Variants in RYR3 observed in about 807,000 individuals in gnomAD.
RYR3 encodes the protein brain ryanodine receptor-calcium release channel.
RYR3 carries 207 observed loss-of-function variants against 584.3 expected under a neutral mutation model. The ratio of observed to expected loss-of-function variants is 0.35; its 90% CI spans 0.32 to 0.40. RYR3 has a LOEUF of 0.40. RYR3 is among the 10% of genes least tolerant of loss of function. The pLI is 1.00. For missense variants in RYR3, 5,616 were observed against 6,089.2 expected (o/e 0.92, Z 2.59); for synonymous variants, 2,416 against 2,248.5 (o/e 1.07, Z -2.11).
intron 99 of RYR3, chr15:33,858,138 C>A (rs534324871): frequency 3.4e-6 from 2 of 587,626 alleles, no homozygotes; most frequent in Admixed American, 6.3e-5. Context: ...ACATCTAAGC[C>A]CCGTGGAAAG....
intron 69 of RYR3, among the ~76,000 whole-genome samples, chr15:33,805,566 C>T (rs909714950): frequency 2.6e-5 from 4 of 151,684 alleles, no homozygotes; most frequent in African/African-American, 4.9e-5. Flanking sequence ...CAAGCTCCGC[C>T]TCCCTGGTTC....
chr15:33,770,166 G>A (rs2073453288), intron 62 of RYR3, among the ~76,000 whole-genome samples: 1 of 150,982 alleles, frequency 6.6e-6, no homozygotes. Context: ...ATTGGGAGGA[G>A]GACACACCTC....
chr15:33,422,150 T>G, intron 1 of RYR3, among the ~76,000 whole-genome samples: 1 of 152,312 alleles, frequency 6.6e-6, no homozygotes, highest in Non-Finnish European at 1.5e-5. Context: ...GTGTGGATAG[T>G]CTCACTGTGG....
At chr15:33,391,827 A>G (rs559360263) in intron 1 of RYR3, among the ~76,000 whole-genome samples, 2 of 152,060 alleles carry the variant, frequency 1.3e-5, no homozygotes, top group African/African-American at 4.8e-5. Flanking sequence ...CTCTTCCACA[A>G]TGCTTCAGCC....
At chr15:33,743,569 G>A (rs74005981) in intron 52 of RYR3, among the ~76,000 whole-genome samples, 6,567 of 152,282 alleles carry the variant, frequency 0.043, 374 homozygotes, top group African/African-American at 0.13. Context: ...TGCGTTTTCT[G>A]AGAACTCCTT....
intron 2 of RYR3, among the ~76,000 whole-genome samples, chr15:33,493,123 C>G (rs1380952982): frequency 2.7e-5 from 4 of 146,382 alleles, no homozygotes; most frequent in African/African-American, 1.0e-4. Flanking sequence ...GAGACTTAGA[C>G]CTTCCTTCTC....
At chr15:33,538,421 G>A (rs1361175228) in intron 5 of RYR3, among the ~76,000 whole-genome samples, 4 of 152,130 alleles carry the variant, frequency 2.6e-5, no homozygotes, top group Admixed American at 2.0e-4. Context: ...GGAGGGAAAG[G>A]AGCTGGGGTT....
chr15:33,383,136 G>C (rs756823367), intron 1 of RYR3, among the ~76,000 whole-genome samples: 4 of 151,580 alleles, frequency 2.6e-5, no homozygotes, highest in African/African-American at 4.9e-5. Flanking sequence ...ACTGTTGCAG[G>C]GATCCCAGAC....
rs1363246393 is a variant in RYR3, at chr15:33,506,095, G to C, written c.279+2357G>C. On this transcript the variant is annotated intron_variant, in intron 3 of 103. Coordinates refer to ENST00000634891, the MANE Select transcript of RYR3 (RefSeq NM_001036.6). ...TATAGATGAGAAAGTAAATTCAAAA[G>C]TTCTGGTTTTTCCTTGTTGCAAAGA... 3.9e-5 allele frequency among the ~76,000 whole-genome samples: 6 copies of C among 152,274 alleles called. No individual in the cohort carries two copies. In the East Asian group the frequency reaches 1.2e-3, roughly 29 times the overall value.
chr15:33,488,296 G>C (rs2050643004), intron 2 of RYR3, among the ~76,000 whole-genome samples: 1 of 152,148 alleles, frequency 6.6e-6, no homozygotes, highest in Non-Finnish European at 1.5e-5. Flanking sequence ...GTGGCCCCAG[G>C]TGAATTATGA....
Position 33,748,277 on chromosome 15 carries a change from A to C in RYR3, c.8136+17A>C. 2 of 1,613,086 alleles carry C rather than the reference A, an allele frequency of 1.2e-6. No homozygotes were observed. The highest frequency in any genetic ancestry group is 2.2e-5 in the South Asian group (2 of 90,930). On this transcript the variant is annotated intron_variant, in intron 54 of 103. Coordinates refer to ENST00000634891, the MANE Select transcript of RYR3 (RefSeq NM_001036.6). Reference sequence around the variant, plus strand: ...GCCAACCAGGTATGACACCACACCCAGAGGCCCACGCTGGGCCGATGGAAG... The same window carrying C: ...GCCAACCAGGTATGACACCACACCCCGAGGCCCACGCTGGGCCGATGGAAG...
chr15:33,752,842 A>G (rs1406963833), intron 57 of RYR3, among the ~76,000 whole-genome samples: 4 of 149,730 alleles, frequency 2.7e-5, no homozygotes, highest in Non-Finnish European at 4.4e-5. Flanking sequence ...GTTTCTGCCC[A>G]TTGGCTGTGG....
At chr15:33,482,223 T>A (rs1243580227) in intron 2 of RYR3, among the ~76,000 whole-genome samples, 1 of 152,160 alleles carries the variant, frequency 6.6e-6, no homozygotes, top group Non-Finnish European at 1.5e-5. Context: ...AAATCATTAT[T>A]TAGTTTTTTT....
intron 2 of RYR3, among the ~76,000 whole-genome samples, chr15:33,474,246 TG>T (rs1169487125): frequency 6.6e-6 from 1 of 152,136 alleles, no homozygotes; most frequent in Non-Finnish European, 1.5e-5. Context: ...GGATGGATGG[TG>T]GGCAGATGGG....
rs1252250383 is a variant in RYR3 at position 33,539,125 on chromosome 15, C to T, written c.434-225C>T. 5 of 384,798 alleles carry T rather than the reference C, an allele frequency of 1.3e-5. No individual in the cohort carries two copies. In the East Asian group the frequency reaches 2.0e-4, roughly 16 times the overall value. 23.8% of individuals were successfully genotyped at this position (384,798 alleles called of 1,614,324 possible). A position where few individuals can be genotyped will look rare whatever the true frequency, so the allele number is the denominator to read the frequency against. On this transcript the variant is annotated intron_variant, in intron 5 of 103. Coordinates refer to ENST00000634891, the MANE Select transcript of RYR3 (RefSeq NM_001036.6). Reference sequence around the variant, plus strand: ...AGTTTCCGGCCTCCAATACTCCTTTCCATACACTGTTTTTCTGTCTCTAGG... The same window carrying T: ...AGTTTCCGGCCTCCAATACTCCTTTTCATACACTGTTTTTCTGTCTCTAGG...
At chr15:33,464,812 C>T (rs755331070) in intron 1 of RYR3, among the ~76,000 whole-genome samples, 1 of 151,834 alleles carries the variant, frequency 6.6e-6, no homozygotes, top group Non-Finnish European at 1.5e-5. Flanking sequence ...CTAGAGTCAC[C>T]GTGCTGTACA....
rs1596376779 is a variant in RYR3, at chr15:33,740,092, C to G, written c.7820+97C>G. ...CAAGAAATGTGAGCTTTACCTCTTT[C>G]CCTCCTGCCAACACTGTTCATCATT... On this transcript the variant is annotated intron_variant, in intron 51 of 103. Transcript: ENST00000634891. The G allele has an allele frequency of 6.4e-5, 66 of 1,031,734 alleles. 1 individual carries two copies. In the South Asian group the frequency reaches 9.7e-4, roughly 15 times the overall value. The allele number at this position is 1,031,734 out of a possible 1,614,324, so 63.9% of individuals were successfully genotyped here. A position where few individuals can be genotyped will look rare whatever the true frequency, so the allele number is the denominator to read the frequency against.
intron 87 of RYR3, 56 bp downstream of exon 87, chr15:33,835,128 C>T (rs1393153874): frequency 2.1e-5 from 27 of 1,298,840 alleles, no homozygotes; most frequent in Non-Finnish European, 2.8e-5. Flanking sequence ...AGTCAGTCCT[C>T]ACTCCTTGGT....
intron 1 of RYR3, among the ~76,000 whole-genome samples, chr15:33,463,691 C>T (rs2048226714): frequency 6.6e-6 from 1 of 152,188 alleles, no homozygotes; most frequent in Non-Finnish European, 1.5e-5. Context: ...CAGGGAAAGG[C>T]TTTCTCCTTT....
Sources: gnomAD v4.1 joint callset for allele counts (sites outside exome capture counted in the v4.1 genomes callset) on GRCh38, gnomAD v4.1.1 for gene constraint, MANE v1.5 for transcripts, NCBI Gene and HGNC (gene_info 2026-07-23, HGNC 2026-07-21) for gene names.